The following EMILIN1 variants were observed in gnomAD, a reference collection of about 807,000 sequenced individuals.
EMILIN1 encodes elastin microfibril interfacer 1.
Under a neutral mutation model 82.4 loss-of-function variants are expected in EMILIN1, and 49 were observed. The ratio of observed to expected loss-of-function variants is 0.59; its 90% CI spans 0.47 to 0.75. The LOEUF is 0.75. Ranked by LOEUF, EMILIN1 falls within the 30% of genes least tolerant of loss-of-function variation. EMILIN1 has a pLI of 0.00. For synonymous variants in EMILIN1, 604 were observed against 602.2 expected (o/e 1.00, Z -0.04); for missense variants, 1,313 against 1,366.4 (o/e 0.96, Z 0.62).
At chr2:27,085,068 C>T (rs1572848474) in intron 6 of EMILIN1, 60 bp downstream of exon 6, 2 of 1,612,906 alleles carry the variant, frequency 1.2e-6, no homozygotes, top group Non-Finnish European at 1.7e-6. Context: ...GGATAGAGGT[C>T]CTCGGGCAGC....
Position 27,080,311 on chromosome 2 carries a change from G to A in EMILIN1, c.290+41G>A, listed in dbSNP as rs1384191897. The A allele has an allele frequency of 3.1e-6, 5 of 1,607,822 alleles. No homozygotes were observed. The East Asian group carries it at 1.1e-4, about 36-fold the overall frequency. ...GGGCAACGGGCCCTTGGTGGGAACT[G>A]GGCGAGGGCAGATGGTGGGTGGCTG... is the stretch of plus-strand genomic sequence containing the variant. On this transcript the variant is annotated intron_variant, in intron 2 of 7. Transcript: ENST00000380320.
Position 27,085,858 on chromosome 2 carries a change from C to T in EMILIN1, c.2894C>T (p.Pro965Leu), listed in dbSNP as rs1669614572. 6.2e-7 allele frequency: 1 copy of T among 1,604,540 alleles called. No individual in the cohort carries two copies. Among genetic ancestry groups the T allele is most frequent in the Non-Finnish European group, 8.5e-7 (1 of 1,175,690 alleles). Residue 965 changes from proline to leucine, a missense_variant, in exon 8 of 8, where the codon CCG becomes CTG. Transcript: ENST00000380320. ...CCGGTGGCCGAGAGCCAGCCCAGCCCGGGCACCCTGGGCGTCTTCAGCCTC... is the reference window on the plus strand; with the variant it reads ...CCGGTGGCCGAGAGCCAGCCCAGCCTGGGCACCCTGGGCGTCTTCAGCCTC... ...NKPVAESQPS[P>L]GTLGVFSLIL...
In EMILIN1 at chr2:27,085,800, G is replaced by A; in HGVS notation, c.2836G>A (p.Gly946Ser). Residue 946 changes from glycine to serine, a missense_variant, in exon 8 of 8, where the codon GGT becomes AGT. Transcript: ENST00000380320. Reference sequence around the variant, plus strand: ...CCAGGGCGTGGCCCGCGTAGACTCCGGTGGCTACGAGCCTGAGGGCCTGGA... The same window carrying A: ...CCAGGGCGTGGCCCGCGTAGACTCCAGTGGCTACGAGCCTGAGGGCCTGGA... ...SNQGVARVDS[G>S]GYEPEGLENK... is the part of the protein sequence containing the mutation. 2 of 1,612,616 alleles carry A rather than the reference G, an allele frequency of 1.2e-6. No homozygotes were observed. Among genetic ancestry groups the A allele is most frequent in the Admixed American group, 1.7e-5 (1 of 60,014 alleles).
chr2:27,079,248 A>G lies in EMILIN1; in HGVS notation c.170+13A>G. 1 of 1,540,936 alleles carries G rather than the reference A, an allele frequency of 6.5e-7. No individual in the cohort carries two copies. ...CCAGCCGCCACAGGTAAGAGTCTGG[A>G]TCCCAGCCCGAGGCTTGGGTGGTGA... On this transcript the variant is annotated intron_variant, in intron 1 of 7. Transcript: ENST00000380320.
Position 27,085,813 on chromosome 2 carries a change from C to T in EMILIN1, c.2849C>T (p.Pro950Leu). The T allele has an allele frequency of 6.2e-7, 1 of 1,612,372 alleles. No individual in the cohort carries two copies. Among genetic ancestry groups the T allele is most frequent in the Non-Finnish European group, 8.5e-7 (1 of 1,179,680 alleles). ...VARVDSGGYE[P>L]EGLENKPVAE... is the part of the protein sequence containing the mutation. ...CGCGTAGACTCCGGTGGCTACGAGC[C>T]TGAGGGCCTGGAGAATAAGCCGGTG... The change falls in exon 8 of 8, where the codon CCT (proline) becomes CTT (leucine). Residue 950 changes from proline (P) to leucine (L), a missense_variant. Coordinates refer to ENST00000380320, the MANE Select transcript of EMILIN1 (RefSeq NM_007046.4).
chr2:27,086,174 G>A lies in EMILIN1; in HGVS notation c.*159G>A, dbSNP rs1361349008. Reference sequence around the variant, plus strand: ...AGAGCGGCCTCTCCCCACGCCCGGGGCGCGCCGGCTCAGGGAGGCTCGGGG... The same window carrying A: ...AGAGCGGCCTCTCCCCACGCCCGGGACGCGCCGGCTCAGGGAGGCTCGGGG... On this transcript the variant is annotated 3_prime_UTR_variant, in exon 8 of 8. Transcript: ENST00000380320. The A allele has an allele frequency of 2.1e-5, 10 of 470,188 alleles. No individual in the cohort carries two copies. The highest frequency in any genetic ancestry group is 4.4e-5 in the Admixed American group (1 of 22,628). 29.1% of individuals were successfully genotyped at this position (470,188 alleles called of 1,614,324 possible). A position where few individuals can be genotyped will look rare whatever the true frequency, so the allele number is the denominator to read the frequency against.
In EMILIN1 at chr2:27,082,987, A is replaced by C. The variant is rs2148319212; in HGVS notation, c.1416A>C (p.Ala472=). 6.3e-7 allele frequency: 1 copy of C among 1,574,906 alleles called. No homozygotes were observed. The highest frequency in any genetic ancestry group is 1.2e-5 in the South Asian group (1 of 84,878). The change falls in exon 4 of 8, where the codon GCA becomes GCC. Residue 472 remains alanine, a synonymous_variant. Transcript: ENST00000380320. ...TGGATCTGTTGGAGGAGCAGGTGGC[A>C]GGGGCCATGCAGGCATGCGGGCAGC... The part of the protein sequence containing the change: ...GRLDLLEEQV[A]GAMQACGQLC...
rs1669530364 is a variant in EMILIN1, at chr2:27,083,677, G to A, written c.2106G>A (p.Glu702=). 5 of 1,613,808 alleles carry A rather than the reference G, an allele frequency of 3.1e-6. No individual in the cohort carries two copies. Among genetic ancestry groups the A allele is most frequent in the Non-Finnish European group, 4.2e-6 (5 of 1,179,816 alleles). ...LQQEATEHAT[E]SEERFRGLEE... is the part of the protein sequence containing the mutation. ...AGGAGGCCACAGAGCATGCTACAGA[G>A]AGTGAAGAGCGCTTCCGAGGCCTAG... The change falls in exon 4 of 8, where the codon GAG becomes GAA. Residue 702 remains glutamate, a synonymous_variant. Transcript: ENST00000380320.
rs914597689 is a variant in EMILIN1, at chr2:27,080,937, G to C, written c.496G>C (p.Gly166Arg). 6.9e-6 allele frequency: 11 copies of C among 1,590,070 alleles called. No homozygotes were observed. The African/African-American group carries it at 1.5e-4, about 21-fold the overall frequency. ...SGSSAGSPLS[G>R]LGGEGPGESE... Reference sequence around the variant, plus strand: ...CTCCAGTGCAGGCAGCCCCCTCAGTGGACTGGGGGGAGAAGGTGAGTGTGG... The same window carrying C: ...CTCCAGTGCAGGCAGCCCCCTCAGTCGACTGGGGGGAGAAGGTGAGTGTGG... Residue 166 changes from glycine (G) to arginine (R), a missense_variant, in exon 3 of 8, where the codon GGA (glycine) becomes CGA (arginine). Gly to Arg is a moderately radical substitution (Grantham distance 125, BLOSUM62 -2). Transcript: ENST00000380320.
chr2:27,078,793 GA>G lies in EMILIN1; in HGVS notation c.-272del. 1 of 391,464 alleles carries G rather than the reference GA, an allele frequency of 2.6e-6. No individual in the cohort carries two copies. Among genetic ancestry groups the G allele is most frequent in the Non-Finnish European group, 4.6e-6 (1 of 219,290 alleles). 24.2% of individuals were successfully genotyped at this position (391,464 alleles called of 1,614,324 possible). ...GGCAGGGACCAGGCGCGGGAGGCCA[GA>G]GGGGGCACAGAGAACAAACCCCCTC... On this transcript the variant is annotated 5_prime_UTR_variant, in exon 1 of 8. Transcript: ENST00000380320.
In EMILIN1 at chr2:27,085,237, G is replaced by C. The variant is rs1558435799; in HGVS notation, c.2653G>C (p.Gly885Arg). ...TCTGAGTTTGCCCCGGTCTGAACCA[G>C]GCACGGTCCCCTTCGACAGAGTCCT... is the stretch of plus-strand genomic sequence containing the variant. ...AALSLPRSEP[G>R]TVPFDRVLLN... The change falls in exon 7 of 8, where the codon GGC becomes CGC. Residue 885 changes from glycine to arginine, a missense_variant. Transcript: ENST00000380320. The C allele has an allele frequency of 1.9e-6, 3 of 1,614,030 alleles. No individual in the cohort carries two copies. Among genetic ancestry groups the C allele is most frequent in the Non-Finnish European group, 2.5e-6 (3 of 1,180,046 alleles).
Position 27,085,791 on chromosome 2 carries a change from G to T in EMILIN1, c.2827G>T (p.Val943Leu). Residue 943 changes from valine (V) to leucine (L), a missense_variant, in exon 8 of 8, where the codon GTA becomes TTA. Physicochemically the swap from Val to Leu is conservative, Grantham distance 32. Transcript: ENST00000380320. ...LSRSNQGVARVDSGGYEPEGL... is the reference protein window; with the variant it reads ...LSRSNQGVARLDSGGYEPEGL... ...CCGCTCCAACCAGGGCGTGGCCCGC[G>T]TAGACTCCGGTGGCTACGAGCCTGA... 1 of 1,612,598 alleles carries T rather than the reference G, an allele frequency of 6.2e-7. No individual in the cohort carries two copies. The highest frequency in any genetic ancestry group is 1.3e-5 in the African/African-American group (1 of 75,062).
intron 7 of EMILIN1, among the ~76,000 whole-genome samples, 180 bp from the exon 8 acceptor site, chr2:27,085,498 C>T (rs1467912074): frequency 1.3e-5 from 2 of 152,218 alleles, no homozygotes; most frequent in Non-Finnish European, 2.9e-5. Flanking sequence ...TTTACTGGGG[C>T]CTGCTCCTGC....
chr2:27,083,482 C>T lies in EMILIN1; in HGVS notation c.1911C>T (p.Gly637=). ...TCAGCGTGTTTGGGGGCAGCTCAGG[C>T]TCAGCCCTGCAGGCCCTGCAAGGAG... ...DGFSVFGGSS[G]SALQALQGEL... The change falls in exon 4 of 8, where the codon GGC becomes GGT. Residue 637 remains glycine, a synonymous_variant. Coordinates refer to ENST00000380320, the MANE Select transcript of EMILIN1 (RefSeq NM_007046.4). The T allele has an allele frequency of 1.2e-6, 2 of 1,613,494 alleles. No homozygotes were observed. The highest frequency in any genetic ancestry group is 1.7e-6 in the Non-Finnish European group (2 of 1,179,834).
intron 7 of EMILIN1, 27 bp from the exon 8 acceptor site, chr2:27,085,651 C>T (rs769699305): frequency 1.9e-6 from 3 of 1,568,438 alleles, no homozygotes; most frequent in Middle Eastern, 3.4e-4. Flanking sequence ...CTTCCCTGGC[C>T]CCCCTGACTG....
At position 27,084,462 on chromosome 2, in the gene EMILIN1, C is replaced by CGT. The variant is rs1669553970; in HGVS notation, c.2488_2489insGT (p.Pro830ArgfsTer49). The CGT allele has an allele frequency of 6.2e-7, 1 of 1,612,626 alleles. No individual in the cohort carries two copies. Among genetic ancestry groups the CGT allele is most frequent in the Non-Finnish European group, 8.5e-7 (1 of 1,179,606 alleles). ...CCCAGGGCCTCCTGGGCTGCAGGGA[C>CGT]CCCCAGGCCCTGCTGGACCTCCAGG... On this transcript the variant is annotated frameshift_variant, in exon 5 of 8. Coordinates refer to ENST00000380320, the MANE Select transcript of EMILIN1 (RefSeq NM_007046.4). LOFTEE classifies it high-confidence loss of function.
chr2:27,081,707 G>A (rs1308384298), intron 3 of EMILIN1, among the ~76,000 whole-genome samples: 2 of 152,200 alleles, frequency 1.3e-5, no homozygotes, highest in Non-Finnish European at 2.9e-5. Flanking sequence ...AAGAAGTTAA[G>A]AGGCACTCTG....
Position 27,082,321 on chromosome 2 carries a change from C to T in EMILIN1, c.750C>T (p.Arg250=), listed in dbSNP as rs763872261. 7.4e-6 allele frequency: 12 copies of T among 1,612,890 alleles called. 1 individual carries two copies. Among genetic ancestry groups the T allele is most frequent in the South Asian group, 4.4e-5 (4 of 91,090 alleles). ...IQHQLQLLDT[R]VSTHDQELGH... is the part of the protein sequence containing the mutation. ...ACCAGCTGCAGCTCCTGGACACCCGCGTCTCCACCCACGACCAGGAGCTGG... is the reference window on the plus strand; with the variant it reads ...ACCAGCTGCAGCTCCTGGACACCCGTGTCTCCACCCACGACCAGGAGCTGG... The change falls in exon 4 of 8, where the codon CGC becomes CGT. Residue 250 remains arginine (R), a synonymous_variant. Coordinates refer to ENST00000380320, the MANE Select transcript of EMILIN1 (RefSeq NM_007046.4).
Position 27,083,767 on chromosome 2 carries a change from T to C in EMILIN1, c.2196T>C (p.Gly732=), listed in dbSNP as rs748291471. ...SLEGRLGRLE[G]VCERLDTVAG... The stretch of plus-strand genomic sequence containing the variant: ...AGGGGCGATTGGGCCGTCTTGAGGG[T>C]GTCTGTGAACGGTTGGACACTGTGG... The change falls in exon 4 of 8, where the codon GGT becomes GGC. Residue 732 remains glycine (G), a synonymous_variant. Coordinates refer to ENST00000380320, the MANE Select transcript of EMILIN1 (RefSeq NM_007046.4). The C allele has an allele frequency of 1.2e-6, 2 of 1,611,560 alleles. No homozygotes were observed.
Sources: gnomAD v4.1 joint callset for allele counts (sites outside exome capture counted in the v4.1 genomes callset) on GRCh38, gnomAD v4.1.1 for gene constraint, MANE v1.5 for transcripts, NCBI Gene and HGNC (gene_info 2026-07-23, HGNC 2026-07-21) for gene names.